TXNRD1: variants seen among roughly 807,000 people sequenced by gnomAD.
The protein encoded by TXNRD1 is thioredoxin reductase 1, cytoplasmic.
A neutral mutation model predicts 80.3 loss-of-function variants in TXNRD1; 57 were observed. The observed-to-expected ratio is 0.71, with a 90% CI of 0.57 to 0.89. The LOEUF (loss-of-function observed/expected upper bound fraction) is 0.89, where lower values mean the gene tolerates loss of function less well. TXNRD1 is among the 40% of genes least tolerant of loss of function. The probability of loss-of-function intolerance (pLI) is 0.00; values close to 1 mark genes in which losing one functional copy is unlikely to be tolerated. For missense variants in TXNRD1, 730 were observed against 803.0 expected (o/e 0.91, Z 1.10); for synonymous variants, 291 against 285.2 (o/e 1.02, Z -0.20).
intron 15 of TXNRD1, among the ~76,000 whole-genome samples, chr12:104,335,896 TAGAA>T (rs1244098958): frequency 1.3e-5 from 2 of 152,212 alleles, no homozygotes; most frequent in Non-Finnish European, 2.9e-5. Flanking sequence ...CCAAGGGTTT[TAGAA>T]AACATTTTCT....
chr12:104,294,156 C>T (rs549428332), intron 4 of TXNRD1, among the ~76,000 whole-genome samples: 1,824 of 146,630 alleles, frequency 0.012, 40 homozygotes, highest in African/African-American at 0.043. Flanking sequence ...CGGATAACTG[C>T]GGGCGAGCCT....
chr12:104,348,330 T>A, intron 16 of TXNRD1, 23 bp from the exon 17 acceptor site: 1 of 1,613,322 alleles, frequency 6.2e-7, no homozygotes, highest in Non-Finnish European at 8.5e-7. Flanking sequence ...TCTGAAGATG[T>A]TGTGCTTTCT....
At chr12:104,324,317 A>T (rs2035675335) in intron 10 of TXNRD1, among the ~76,000 whole-genome samples, 1 of 152,042 alleles carries the variant, frequency 6.6e-6, no homozygotes, top group African/African-American at 2.4e-5. Context: ...TTGATGTCAA[A>T]TAAAATAACC....
chr12:104,330,523 A>G (rs1273368599), intron 13 of TXNRD1, among the ~76,000 whole-genome samples: 1 of 152,108 alleles, frequency 6.6e-6, no homozygotes, highest in East Asian at 1.9e-4. Context: ...TACCATTTTA[A>G]TGGCTGCATA....
intron 3 of TXNRD1, among the ~76,000 whole-genome samples, chr12:104,263,449 C>A (rs981620349): frequency 1.3e-5 from 2 of 152,138 alleles, no homozygotes; most frequent in African/African-American, 2.4e-5. Flanking sequence ...GTTGCACACA[C>A]ATGTGGTGGT....
At chr12:104,344,442 G>A (rs555863979) in intron 16 of TXNRD1, among the ~76,000 whole-genome samples, 30 of 152,008 alleles carry the variant, frequency 2.0e-4, no homozygotes, top group Admixed American at 3.9e-4. Flanking sequence ...TCCTGGTTAT[G>A]GACATTTTAA....
intron 2 of TXNRD1, among the ~76,000 whole-genome samples, chr12:104,254,925 T>C (rs1461740938): frequency 1.3e-5 from 2 of 151,522 alleles, no homozygotes; most frequent in Non-Finnish European, 2.9e-5. Context: ...GGCAACATGG[T>C]GAAACCCTGT....
chr12:104,307,008 A>T (rs1300731901), intron 4 of TXNRD1, among the ~76,000 whole-genome samples: 1 of 152,172 alleles, frequency 6.6e-6, no homozygotes, highest in East Asian at 1.9e-4. Flanking sequence ...GGCTTAGGAG[A>T]GGTAATTTTT....
chr12:104,263,873 TCTTA>T (rs540147525), intron 3 of TXNRD1, among the ~76,000 whole-genome samples: 83 of 152,318 alleles, frequency 5.4e-4, no homozygotes, highest in African/African-American at 1.9e-3. Flanking sequence ...CTCATATCTC[TCTTA>T]CTTAATCCTC....
intron 9 of TXNRD1, 124 bp from the exon 10 acceptor site, chr12:104,320,967 G>A: frequency 1.4e-6 from 1 of 711,386 alleles, no homozygotes; most frequent in Middle Eastern, 3.1e-4. Context: ...TGTGTAGCTA[G>A]TAGAATGTTT....
intron 1 of TXNRD1, among the ~76,000 whole-genome samples, chr12:104,247,965 C>G (rs574448153): frequency 2.0e-5 from 3 of 152,260 alleles, no homozygotes; most frequent in African/African-American, 4.8e-5. Flanking sequence ...ACACAGTTGG[C>G]CTAGTGACCC....
chr12:104,261,349 G>A (rs1027073295), intron 3 of TXNRD1, among the ~76,000 whole-genome samples: 71 of 152,114 alleles, frequency 4.7e-4, no homozygotes, highest in Non-Finnish European at 9.1e-4. Flanking sequence ...TTTTGGTAGA[G>A]ACAGAGTTTC....
chr12:104,272,290 C>A (rs2033667738), intron 3 of TXNRD1, among the ~76,000 whole-genome samples: 1 of 152,172 alleles, frequency 6.6e-6, no homozygotes, highest in East Asian at 1.9e-4. Flanking sequence ...GGTTAGATCG[C>A]AAAGGCTAAA....
chr12:104,238,605 A>C (rs541046167), intron 1 of TXNRD1, among the ~76,000 whole-genome samples: 3 of 152,310 alleles, frequency 2.0e-5, no homozygotes, highest in South Asian at 4.1e-4. Flanking sequence ...AAAGGGTGTT[A>C]GACTCTGTCA....
rs2035426588 is a variant in TXNRD1 at position 104,318,925 on chromosome 12, G to A, written c.743G>A (p.Trp248Ter). ...WKVEETVKHD[W>*]DRMIEAVQNH... Reference sequence around the variant, plus strand: ...TTTTCTTATACAGTTAAGCATGATTGGGACAGAATGATAGAAGCTGTACAG... The same window carrying A: ...TTTTCTTATACAGTTAAGCATGATTAGGACAGAATGATAGAAGCTGTACAG... The change falls in exon 8 of 17, where the codon TGG (tryptophan) becomes TAG (stop). Residue 248 changes from tryptophan to a stop codon, truncating the protein, a stop_gained. Coordinates refer to ENST00000525566, the MANE Select transcript of TXNRD1 (RefSeq NM_001093771.3). LOFTEE classifies it high-confidence loss of function. 6.2e-7 allele frequency: 1 copy of A among 1,611,454 alleles called. No homozygotes were observed. Among genetic ancestry groups the A allele is most frequent in the Non-Finnish European group, 8.5e-7 (1 of 1,179,276 alleles).
chr12:104,285,483 T>C (rs949323895), intron 3 of TXNRD1, among the ~76,000 whole-genome samples: 1 of 152,214 alleles, frequency 6.6e-6, no homozygotes, highest in African/African-American at 2.4e-5. Flanking sequence ...TCTAGCCTGT[T>C]TTGGAATGCC....
intron 4 of TXNRD1, among the ~76,000 whole-genome samples, chr12:104,302,547 T>G (rs1259204971): frequency 7.2e-6 from 1 of 139,802 alleles, no homozygotes; most frequent in Non-Finnish European, 1.5e-5. Context: ...TGGAGTGCAG[T>G]GGCCCGATCT....
At chr12:104,343,996 A>G (rs144470691) in intron 16 of TXNRD1, among the ~76,000 whole-genome samples, 6 of 151,422 alleles carry the variant, frequency 4.0e-5, no homozygotes, top group African/African-American at 1.5e-4. Context: ...CCAGCTACTC[A>G]GGAGGCTGAG....
chr12:104,294,282 G>T (rs1175581480), intron 4 of TXNRD1, among the ~76,000 whole-genome samples: 1 of 146,174 alleles, frequency 6.8e-6, no homozygotes, highest in African/African-American at 2.5e-5. Flanking sequence ...AGCGGGTGTT[G>T]TTTCTTGACA....
Sources: gnomAD v4.1 joint callset for allele counts (sites outside exome capture counted in the v4.1 genomes callset) on GRCh38, gnomAD v4.1.1 for gene constraint, MANE v1.5 for transcripts, NCBI Gene and HGNC (gene_info 2026-07-23, HGNC 2026-07-21) for gene names.